RANBP17: variants seen among roughly 807,000 people sequenced by gnomAD.
RANBP17 encodes RAN binding protein 17, also known as ran-binding protein 17.
In RANBP17, 158 loss-of-function variants were observed where a neutral mutation model predicts 141.2. That is an observed-to-expected ratio of 1.12 (90% confidence interval 0.98 to 1.28). The LOEUF (loss-of-function observed/expected upper bound fraction) is 1.28. Ranked by LOEUF, RANBP17 falls within the 50% of genes most tolerant of loss-of-function variation. The probability of loss-of-function intolerance (pLI) is 0.00; values close to 1 mark genes in which losing one functional copy is unlikely to be tolerated. For missense variants in RANBP17, 1,438 were observed against 1,290.7 expected (o/e 1.11, Z -1.75); for synonymous variants, 430 against 450.0 (o/e 0.96, Z 0.56).
intron 14 of RANBP17, among the ~76,000 whole-genome samples, chr5:171,061,749 T>C (rs1430307890): frequency 6.6e-6 from 1 of 152,204 alleles, no homozygotes; most frequent in Non-Finnish European, 1.5e-5. Context: ...ATCTGTCTAA[T>C]GTTGACAGTG....
intron 14 of RANBP17, among the ~76,000 whole-genome samples, chr5:171,043,076 A>G (rs1243174234): frequency 6.6e-6 from 1 of 152,180 alleles, no homozygotes; most frequent in Admixed American, 6.6e-5. Flanking sequence ...TACTGTGCAA[A>G]TATTGACCTG....
In RANBP17 at chr5:171,183,312, C is replaced by T; in HGVS notation, c.1930-10C>T. 6.2e-7 allele frequency: 1 copy of T among 1,606,946 alleles called. No homozygotes were observed. The highest frequency in any genetic ancestry group is 1.3e-5 in the African/African-American group (1 of 74,920). The stretch of plus-strand genomic sequence containing the variant: ...GTTAGTAACTTGGATTACTCTTTTG[C>T]TTTCATTAGAGTGAACACTTCCCTT... On this transcript the variant is annotated splice_polypyrimidine_tract_variant and intron_variant, in intron 17 of 27. Transcript: ENST00000523189.
chr5:170,936,997 C>T (rs928723173), intron 12 of RANBP17, among the ~76,000 whole-genome samples: 2 of 152,182 alleles, frequency 1.3e-5, no homozygotes, highest in African/African-American at 4.8e-5. Flanking sequence ...CTTTCTCCAT[C>T]CATTTACTTC....
At chr5:170,984,916 ATG>A (rs947538080) in intron 14 of RANBP17, among the ~76,000 whole-genome samples, 5 of 152,162 alleles carry the variant, frequency 3.3e-5, no homozygotes, top group African/African-American at 7.2e-5. Flanking sequence ...TCCAATTAAA[ATG>A]TGATTTTTAA....
chr5:171,198,244 CAGAGA>C (rs1158230370), intron 18 of RANBP17, among the ~76,000 whole-genome samples: 1 of 152,204 alleles, frequency 6.6e-6, no homozygotes, highest in Non-Finnish European at 1.5e-5. Context: ...AGCCAGTTGA[CAGAGA>C]AGAGATTATA....
At chr5:171,071,429 G>T (rs921759581) in intron 14 of RANBP17, among the ~76,000 whole-genome samples, 1 of 151,912 alleles carries the variant, frequency 6.6e-6, no homozygotes, top group African/African-American at 2.4e-5. Context: ...GAGGAACAAA[G>T]TTGAGAATTC....
intron 24 of RANBP17, among the ~76,000 whole-genome samples, chr5:171,251,089 C>G (rs1765528407): frequency 6.6e-6 from 1 of 152,142 alleles, no homozygotes; most frequent in South Asian, 2.1e-4. Context: ...AAACAGGTCT[C>G]AACAAAAATT....
intron 1 of RANBP17, among the ~76,000 whole-genome samples, chr5:170,874,627 G>C (rs942434393): frequency 6.8e-6 from 1 of 148,148 alleles, no homozygotes; most frequent in South Asian, 2.2e-4. Context: ...AGTCTGTTTT[G>C]TCAGAAACTA....
intron 12 of RANBP17, among the ~76,000 whole-genome samples, chr5:170,943,306 T>C (rs1295742185): frequency 2.6e-5 from 4 of 152,160 alleles, no homozygotes; most frequent in East Asian, 3.8e-4. Context: ...ACAAAATAAG[T>C]TTATTATTAT....
chr5:170,970,914 C>T (rs1284438387), intron 14 of RANBP17, among the ~76,000 whole-genome samples: 1 of 152,040 alleles, frequency 6.6e-6, no homozygotes, highest in Non-Finnish European at 1.5e-5. Context: ...AGTACTATTT[C>T]TGCCTTGTTT....
In RANBP17 at chr5:170,870,328, T is replaced by A. The variant is rs6898942; in HGVS notation, c.19-7769T>A. 1.3e-4 allele frequency among the ~76,000 whole-genome samples: 20 copies of A among 151,610 alleles called. No homozygotes were observed. The East Asian group carries it at 3.1e-3, about 24-fold the overall frequency. ...TTGACCCGTCACCTAGGTATTAAGC[T>A]CTGCAGGCATTAGCTATTTGTCCTC... is the stretch of plus-strand genomic sequence containing the variant. On this transcript the variant is annotated intron_variant, in intron 1 of 27. Coordinates refer to ENST00000523189, the MANE Select transcript of RANBP17 (RefSeq NM_022897.5).
intron 5 of RANBP17, among the ~76,000 whole-genome samples, chr5:170,900,013 G>A (rs1770492844): frequency 6.6e-6 from 1 of 152,104 alleles, no homozygotes; most frequent in Non-Finnish European, 1.5e-5. Flanking sequence ...TTTGGTATCA[G>A]GATGATGCTG....
At chr5:171,231,878 T>C (rs1254197044) in intron 22 of RANBP17, among the ~76,000 whole-genome samples, 1 of 152,154 alleles carries the variant, frequency 6.6e-6, no homozygotes, top group African/African-American at 2.4e-5. Flanking sequence ...TAAAGATCCT[T>C]GATGTTACAT....
chr5:171,167,746 C>G (rs926403046), intron 14 of RANBP17, among the ~76,000 whole-genome samples: 3 of 152,100 alleles, frequency 2.0e-5, no homozygotes, highest in African/African-American at 7.2e-5. Context: ...AGTAGGGTGT[C>G]TGATCCCTAC....
intron 13 of RANBP17, among the ~76,000 whole-genome samples, chr5:170,958,639 A>G (rs570877290): frequency 6.6e-6 from 1 of 152,264 alleles, no homozygotes; most frequent in Admixed American, 6.5e-5. Context: ...TCTATAAGTT[A>G]TATATAATAG....
At chr5:171,093,725 A>C (rs1470908054) in intron 14 of RANBP17, among the ~76,000 whole-genome samples, 1 of 152,210 alleles carries the variant, frequency 6.6e-6, no homozygotes, top group African/African-American at 2.4e-5. Context: ...TGTATCACAC[A>C]CTTTTTCACT....
chr5:171,051,305 T>C (rs149650185), intron 14 of RANBP17, among the ~76,000 whole-genome samples: 31 of 152,296 alleles, frequency 2.0e-4, no homozygotes, highest in African/African-American at 6.5e-4. Context: ...CAGTGACCTT[T>C]AGTGCATTCG....
At chr5:171,139,293 A>G (rs958250897) in intron 14 of RANBP17, among the ~76,000 whole-genome samples, 3 of 152,130 alleles carry the variant, frequency 2.0e-5, no homozygotes, top group Non-Finnish European at 2.9e-5. Flanking sequence ...AATTTTATAT[A>G]GTTAGAAAAT....
intron 14 of RANBP17, among the ~76,000 whole-genome samples, chr5:171,134,070 A>T (rs75818230): frequency 6.6e-6 from 1 of 152,222 alleles, no homozygotes; most frequent in Non-Finnish European, 1.5e-5. Context: ...TACTTATTGC[A>T]TAAGTCCTAA....
Sources: gnomAD v4.1 joint callset for allele counts (sites outside exome capture counted in the v4.1 genomes callset) on GRCh38, gnomAD v4.1.1 for gene constraint, MANE v1.5 for transcripts, NCBI Gene and HGNC (gene_info 2026-07-23, HGNC 2026-07-21) for gene names.